Variants in CTNNA2 observed in about 807,000 individuals in gnomAD.
The protein encoded by CTNNA2 is catenin alpha-2.
A neutral mutation model predicts 101.0 loss-of-function variants in CTNNA2; 42 were observed. The ratio of observed to expected loss-of-function variants is 0.42; its 90% CI spans 0.32 to 0.54. The LOEUF is 0.54. Ranked by LOEUF, CTNNA2 falls within the 20% of genes least tolerant of loss-of-function variation. The pLI is 0.14. For missense variants in CTNNA2, 871 were observed against 1,223.1 expected, an observed-to-expected ratio of 0.71 and a Z score of 4.29; for synonymous variants, 450 against 456.4, an observed-to-expected ratio of 0.99 and a Z score of 0.18.
chr2:80,203,804 G>A (rs998472394), intron 7 of CTNNA2, among the ~76,000 whole-genome samples: 9 of 152,144 alleles, frequency 5.9e-5, no homozygotes, highest in South Asian at 2.1e-4. Flanking sequence ...TTTCCCTTCC[G>A]CACTGCCTTA....
rs565717017 is a variant in CTNNA2 at position 79,865,563 on chromosome 2, G to A, written c.466-4253G>A. ...AGCAACGATTTCTAGTAATGGTATA[G>A]CCAGCAATTTTCTACAGGGAACCAG... On this transcript the variant is annotated intron_variant, in intron 4 of 18. Transcript: ENST00000402739. 1.6e-4 allele frequency among the ~76,000 whole-genome samples: 24 copies of A among 149,796 alleles called. No homozygotes were observed. In the East Asian group the frequency reaches 4.7e-3, roughly 29 times the overall value.
At chr2:79,865,309 T>C (rs944999082) in intron 4 of CTNNA2, among the ~76,000 whole-genome samples, 2 of 152,198 alleles carry the variant, frequency 1.3e-5, no homozygotes, top group African/African-American at 4.8e-5. Context: ...ATAAGTACAA[T>C]AGTTAGATGG....
chr2:79,423,745 T>G (rs1051152070), intron 4 of CTNNA2, among the ~76,000 whole-genome samples: 1 of 152,204 alleles, frequency 6.6e-6, no homozygotes, highest in Non-Finnish European at 1.5e-5. Flanking sequence ...GAGATAAGGC[T>G]GATAAAACAG....
chr2:79,828,669 G>C (rs1219876950), intron 3 of CTNNA2, among the ~76,000 whole-genome samples: 1 of 152,212 alleles, frequency 6.6e-6, no homozygotes, highest in African/African-American at 2.4e-5. Flanking sequence ...GGAAATGCAA[G>C]AGTCTGCTGA....
intron 1 of CTNNA2, among the ~76,000 whole-genome samples, chr2:79,615,763 A>G (rs1018325600): frequency 7.9e-5 from 12 of 152,186 alleles, no homozygotes; most frequent in African/African-American, 2.7e-4. Context: ...CACAGCACTG[A>G]TGAGTTCACC....
rs977907460 is a variant in CTNNA2 at position 80,442,310 on chromosome 2, C to T, written c.1290+22709C>T. ...TTCTGCTCCAGGGTTGCCCAGAAGG[C>T]AGGAGCAATAGACCAGTGTCTTCTT... On this transcript the variant is annotated intron_variant, in intron 9 of 18. Transcript: ENST00000402739. Among the ~76,000 whole-genome samples, 5 of 152,304 alleles carry T rather than the reference C, an allele frequency of 3.3e-5. No homozygotes were observed. The East Asian group carries it at 5.8e-4, about 18-fold the overall frequency.
intron 2 of CTNNA2, among the ~76,000 whole-genome samples, chr2:79,714,736 C>T (rs1014803944): frequency 2.0e-5 from 3 of 152,108 alleles, no homozygotes; most frequent in Admixed American, 2.0e-4. Flanking sequence ...AGGATGACAT[C>T]TGAATTGTGA....
chr2:80,363,710 T>C (rs2149321240), intron 7 of CTNNA2, among the ~76,000 whole-genome samples: 1 of 152,290 alleles, frequency 6.6e-6, no homozygotes, highest in African/African-American at 2.4e-5. Flanking sequence ...CTAGTATGAT[T>C]CTGGAAATTA....
intron 7 of CTNNA2, among the ~76,000 whole-genome samples, chr2:80,186,784 G>A (rs571545589): frequency 1.3e-5 from 2 of 152,096 alleles, no homozygotes; most frequent in East Asian, 1.9e-4. Context: ...ATGTATTTTT[G>A]TCTCTCTGCA....
At chr2:79,292,866 T>A (rs1215194818) in intron 2 of CTNNA2, 1 of 152,268 alleles carries the variant, frequency 6.6e-6, no homozygotes, top group African/African-American at 2.4e-5. Context: ...CCTTGTCTGG[T>A]CAGTATCACA....
intron 18 of CTNNA2, among the ~76,000 whole-genome samples, chr2:80,639,221 T>C (rs1371555125): frequency 6.6e-6 from 1 of 152,134 alleles, no homozygotes; most frequent in Non-Finnish European, 1.5e-5. Flanking sequence ...GTGGTTTTGT[T>C]TGTTTTGAGA....
chr2:80,456,151 C>G (rs545955513), intron 9 of CTNNA2, among the ~76,000 whole-genome samples: 3 of 152,176 alleles, frequency 2.0e-5, no homozygotes, highest in Non-Finnish European at 4.4e-5. Flanking sequence ...CCTTCAGTTA[C>G]TGGTCTCTAT....
intron 8 of CTNNA2, among the ~76,000 whole-genome samples, chr2:80,409,117 G>C (rs1361328878): frequency 6.6e-6 from 1 of 152,064 alleles, no homozygotes; most frequent in African/African-American, 2.4e-5. Flanking sequence ...TTTTTGGTCT[G>C]GGTTCAGCGA....
intron 18 of CTNNA2, among the ~76,000 whole-genome samples, chr2:80,621,215 C>A (rs1221901940): frequency 6.6e-6 from 1 of 151,744 alleles, no homozygotes; most frequent in Non-Finnish European, 1.5e-5. Flanking sequence ...AAGAGATATT[C>A]TAATGCATCC....
intron 1 of CTNNA2, among the ~76,000 whole-genome samples, chr2:79,564,395 G>A (rs1400370346): frequency 6.6e-6 from 1 of 151,938 alleles, no homozygotes; most frequent in Non-Finnish European, 1.5e-5. Context: ...TTAGTGGAAC[G>A]CTGTCTCTAA....
intron 7 of CTNNA2, among the ~76,000 whole-genome samples, chr2:80,192,772 C>T (rs1318129791): frequency 6.6e-6 from 1 of 152,204 alleles, no homozygotes; most frequent in African/African-American, 2.4e-5. Context: ...CTCGGCCTCC[C>T]AAAGTGATGG....
chr2:80,025,891 C>G (rs1694896125), intron 7 of CTNNA2, among the ~76,000 whole-genome samples: 1 of 152,144 alleles, frequency 6.6e-6, no homozygotes, highest in African/African-American at 2.4e-5. Flanking sequence ...GCTCGAGAAA[C>G]AGCAACAAGG....
chr2:79,612,550 CGTT>C lies in CTNNA2; in HGVS notation c.-5-38998_-5-38996del, dbSNP rs1160714549. ...AATACAATGCCGTACACTTTTAAAA[CGTT>C]GTTTCTTTGGCCTGAGTGAGGATTT... On this transcript the variant is annotated intron_variant, in intron 1 of 18. Transcript: ENST00000402739. Among the ~76,000 whole-genome samples the C allele has an allele frequency of 3.3e-5, 5 of 152,190 alleles. No homozygotes were observed. In the South Asian group the frequency reaches 8.3e-4, roughly 25 times the overall value.
chr2:79,495,117 CAAAA>C (rs1309934851), intron 4 of CTNNA2, among the ~76,000 whole-genome samples: 1 of 151,940 alleles, frequency 6.6e-6, no homozygotes, highest in Middle Eastern at 3.4e-3. Context: ...CAAAACAAAA[CAAAA>C]AACAAACAAA....
Sources: allele counts gnomAD v4.1 joint callset (sites outside exome capture counted in the v4.1 genomes callset), GRCh38; gene constraint gnomAD v4.1.1; transcripts MANE v1.5; gene names NCBI Gene and HGNC (gene_info 2026-07-23, HGNC 2026-07-21).